The following CKMT2 variants were observed in gnomAD, a reference collection of about 807,000 sequenced individuals.
The protein encoded by CKMT2 is creatine kinase S-type, mitochondrial.
A neutral mutation model predicts 48.9 loss-of-function variants in CKMT2; 43 were observed. That is an observed-to-expected ratio of 0.88 (90% CI 0.69 to 1.13). The LOEUF (loss-of-function observed/expected upper bound fraction) is 1.13, where lower values mean the gene tolerates loss of function less well. Ranked by LOEUF, CKMT2 falls within the 50% of genes most tolerant of loss-of-function variation. The pLI, the probability that CKMT2 is intolerant of heterozygous loss-of-function variation, is 0.00. For synonymous variants in CKMT2, 206 were observed against 213.0 expected (o/e 0.97, Z 0.29); for missense variants, 472 against 555.4 (o/e 0.85, Z 1.51).
intron 3 of CKMT2, among the ~76,000 whole-genome samples, chr5:81,253,991 G>A (rs535079266): frequency 6.6e-6 from 1 of 152,288 alleles, no homozygotes; most frequent in East Asian, 1.9e-4. Context: ...TTTCCCTTGA[G>A]CATAAAACTG....
At chr5:81,264,883 T>TAATACATGTTTAATA (rs1431352447) in intron 9 of CKMT2, among the ~76,000 whole-genome samples, 5 of 152,160 alleles carry the variant, frequency 3.3e-5, no homozygotes, top group Non-Finnish European at 7.4e-5. Context: ...AAAATTGTTA[T>TAATACATGTTTAATA]AATACATGTT....
intron 1 of CKMT2, chr5:81,244,136 T>A: frequency 1.0e-6 from 1 of 985,448 alleles, no homozygotes; most frequent in Non-Finnish European, 1.2e-6. Flanking sequence ...ACTGGGAAGT[T>A]TTCTGCAAGT....
rs554660430 is a variant in CKMT2 at position 81,263,175 on chromosome 5, G to C, written c.1015-316G>C. ...AAACATCACACACTGGGGCCAGTTG[G>C]GGGGTGGGGGTTTGGGGAGGGATAG... On this transcript the variant is annotated intron_variant, in intron 8 of 9. Transcript: ENST00000254035. Among the ~76,000 whole-genome samples, 170 of 151,724 alleles carry C rather than the reference G, an allele frequency of 1.1e-3. 2 individuals are homozygous for C. Among genetic ancestry groups the C allele is most frequent in the African/African-American group, 3.9e-3 (163 of 41,352 alleles).
At position 81,266,313 on chromosome 5, in the gene CKMT2, TCTCTA is replaced by T. The variant is rs1757384446; in HGVS notation, c.*60_*64del. On this transcript the variant is annotated 3_prime_UTR_variant, in exon 10 of 10. Coordinates refer to ENST00000254035, the MANE Select transcript of CKMT2 (RefSeq NM_001099735.2). ...TGTCTGCTGGTACGACAGACATAAA[TCTCTA>T]CTCTGAGAGTTTTTATACACTTGGA... 3.8e-6 allele frequency: 6 copies of T among 1,564,344 alleles called. No individual in the cohort carries two copies. The highest frequency in any genetic ancestry group is 4.4e-6 in the Non-Finnish European group (5 of 1,142,170).
intron 6 of CKMT2, among the ~76,000 whole-genome samples, chr5:81,257,371 C>A (rs534134378): frequency 5.4e-4 from 82 of 151,998 alleles, no homozygotes; most frequent in Non-Finnish European, 1.1e-3. Flanking sequence ...GTAACCCCCA[C>A]CCGCTTTTTA....
chr5:81,247,221 TA>T (rs951969657), intron 1 of CKMT2, among the ~76,000 whole-genome samples: 4 of 152,332 alleles, frequency 2.6e-5, no homozygotes, highest in African/African-American at 9.6e-5. Flanking sequence ...CTGAAAACGT[TA>T]AAAAAGCTTT....
intron 5 of CKMT2, 24 bp downstream of exon 5, chr5:81,255,238 G>A (rs763766395): frequency 9.4e-6 from 15 of 1,602,300 alleles, no homozygotes; most frequent in Non-Finnish European, 1.3e-5. Flanking sequence ...GGGGCTCCCT[G>A]GGGAAGGACT....
At chr5:81,252,513 GA>G (rs1561282366) in intron 2 of CKMT2, among the ~76,000 whole-genome samples, 181 bp from the exon 3 acceptor site, 1 of 152,234 alleles carries the variant, frequency 6.6e-6, no homozygotes, top group Non-Finnish European at 1.5e-5. Context: ...CGCTCTCGTG[GA>G]GCTTGCTTAT....
rs142418532 is a variant in CKMT2 at position 81,250,940 on chromosome 5, AACACACACACAC to A, written c.-20-145_-20-134del. The stretch of plus-strand genomic sequence containing the variant: ...GAAAAAAGCAAAGCAAGAAATAGAA[AACACACACACAC>A]ACACACACACACACACACACACACA... On this transcript the variant is annotated intron_variant, in intron 1 of 9. Transcript: ENST00000254035. Among the ~76,000 whole-genome samples the A allele has an allele frequency of 5.3e-3, 700 of 133,074 alleles. 7 individuals are homozygous for A. The highest frequency in any genetic ancestry group is 0.019 in the African/African-American group (649 of 33,292). The allele number at this position is 133,074 out of a possible 152,430, so 87.3% of individuals were successfully genotyped here.
chr5:81,257,291 G>A (rs1050936249), intron 6 of CKMT2, among the ~76,000 whole-genome samples: 4 of 152,118 alleles, frequency 2.6e-5, no homozygotes, highest in African/African-American at 9.7e-5. Context: ...CTGCTCTGTA[G>A]GGATGGACAG....
rs957398125 is a variant in CKMT2, at chr5:81,251,157, C to A, written c.25C>A (p.Leu9Ile). The change falls in exon 2 of 10, where the codon CTA (leucine) becomes ATA (isoleucine). Residue 9 changes from leucine to isoleucine, a missense_variant. Transcript: ENST00000254035. Reference sequence around the variant, plus strand: ...GATGGCCAGTATCTTTTCTAAGTTGCTAACTGGCCGCAATGCTTCTCTGCT... The same window carrying A: ...GATGGCCAGTATCTTTTCTAAGTTGATAACTGGCCGCAATGCTTCTCTGCT... Reference protein sequence around the residue: MASIFSKLLTGRNASLLFA... With the variant: MASIFSKLITGRNASLLFA... 5.6e-6 allele frequency: 9 copies of A among 1,613,958 alleles called. No individual in the cohort carries two copies. Among genetic ancestry groups the A allele is most frequent in the Non-Finnish European group, 7.6e-6 (9 of 1,179,916 alleles).
chr5:81,250,940 A>AAAACACACACACACACACACACACACAC (rs373408385), intron 1 of CKMT2, among the ~76,000 whole-genome samples, 173 bp from the exon 2 acceptor site: 15 of 132,998 alleles, frequency 1.1e-4, no homozygotes, highest in African/African-American at 4.5e-4. Flanking sequence ...AGAAATAGAA[A>AAAACACACACACACACACACACACACAC]ACACACACAC....
intron 1 of CKMT2, among the ~76,000 whole-genome samples, chr5:81,236,352 A>G (rs904849769): frequency 3.9e-5 from 6 of 152,120 alleles, no homozygotes; most frequent in Admixed American, 3.9e-4. Context: ...GTCTGCAAGG[A>G]AGCTGAATCC....
chr5:81,257,537 TGA>T (rs1180680246), intron 6 of CKMT2, among the ~76,000 whole-genome samples, 194 bp from the exon 7 acceptor site: 1 of 152,182 alleles, frequency 6.6e-6, no homozygotes, highest in Non-Finnish European at 1.5e-5. Flanking sequence ...TCTTTTAGGG[TGA>T]GAGTTGGTCT....
rs1203359744 is a variant in CKMT2 at position 81,255,209 on chromosome 5, A to G, written c.664A>G (p.Ile222Val). 1 of 1,613,868 alleles carries G rather than the reference A, an allele frequency of 6.2e-7. No individual in the cohort carries two copies. The highest frequency in any genetic ancestry group is 8.5e-7 in the Non-Finnish European group (1 of 1,179,916). ...EMTEQDQQRL[I>V]DDHFLFDKPV... ...GACGGAGCAGGACCAGCAGCGGCTC[A>G]TCGATGTGAGTAGCAGATGGGGCTC... The change falls in exon 5 of 10, where the codon ATC (isoleucine) becomes GTC (valine). Residue 222 changes from isoleucine (I) to valine (V), a missense_variant. Physicochemically the swap from Ile to Val is conservative, Grantham distance 29. Transcript: ENST00000254035.
rs577840678 is a variant in CKMT2 at position 81,259,764 on chromosome 5, A to T, written c.1014+510A>T. Among the ~76,000 whole-genome samples the T allele has an allele frequency of 1.1e-3, 163 of 152,328 alleles. 1 individual carries two copies. The highest frequency in any genetic ancestry group is 1.7e-3 in the East Asian group (9 of 5,188). On this transcript the variant is annotated intron_variant, in intron 8 of 9. Transcript: ENST00000254035. ...GACCTACAATGAGACTTAGACTCCC[A>T]CACAATAACAGTGAGAGACTTTAAC...
Position 81,254,390 on chromosome 5 carries a change from C to CT in CKMT2, c.352-5dup. ...AAAGAGGAAACACCCATCTTCCCTC[C>CT]TGCAGGTGTTTGCTGACCTTTTTGA... On this transcript the variant is annotated splice_region_variant and splice_polypyrimidine_tract_variant and intron_variant, in intron 3 of 9. Coordinates refer to ENST00000254035, the MANE Select transcript of CKMT2 (RefSeq NM_001099735.2). 1 of 1,612,624 alleles carries CT rather than the reference C, an allele frequency of 6.2e-7. No homozygotes were observed. Among genetic ancestry groups the CT allele is most frequent in the Non-Finnish European group, 8.5e-7 (1 of 1,178,596 alleles).
chr5:81,246,402 C>T (rs1370940554), intron 1 of CKMT2, among the ~76,000 whole-genome samples: 1 of 152,016 alleles, frequency 6.6e-6, no homozygotes, highest in Admixed American at 6.6e-5. Context: ...CTTTGCTGTT[C>T]TACTCTCTGC....
intron 1 of CKMT2, among the ~76,000 whole-genome samples, chr5:81,239,628 C>T (rs947898255): frequency 6.6e-6 from 1 of 152,142 alleles, no homozygotes; most frequent in Non-Finnish European, 1.5e-5. Flanking sequence ...TGGAGGCATG[C>T]AATACAGTAC....
Sources: allele counts gnomAD v4.1 joint callset (sites outside exome capture counted in the v4.1 genomes callset), GRCh38; gene constraint gnomAD v4.1.1; transcripts MANE v1.5; gene names NCBI Gene and HGNC (gene_info 2026-07-23, HGNC 2026-07-21).